The following GRIK4 variants were observed in gnomAD, a reference collection of about 807,000 sequenced individuals.
The protein encoded by GRIK4 is glutamate receptor ionotropic, kainate 4.
A neutral mutation model predicts 104.9 loss-of-function variants in GRIK4; 40 were observed. The ratio of observed to expected loss-of-function variants is 0.38; its 90% CI spans 0.30 to 0.50. The LOEUF (loss-of-function observed/expected upper bound fraction) is 0.50. Among genes scored for constraint, GRIK4 ranks in the 20% least tolerant of loss-of-function variants. The pLI is 0.93. For missense variants in GRIK4, 1,047 were observed against 1,308.1 expected (o/e 0.80, Z 3.08); for synonymous variants, 485 against 524.9 (o/e 0.92, Z 1.04).
intron 9 of GRIK4, 183 bp downstream of exon 9, chr11:120,862,303 A>T: frequency 1.8e-6 from 1 of 570,536 alleles, no homozygotes; most frequent in African/African-American, 1.9e-5. Flanking sequence ...GGAAGCAATG[A>T]GCTGTAGACA....
At chr11:120,829,691 A>G (rs1368426845) in intron 6 of GRIK4, among the ~76,000 whole-genome samples, 1 of 152,180 alleles carries the variant, frequency 6.6e-6, no homozygotes, top group Non-Finnish European at 1.5e-5. Flanking sequence ...AGCCTTTCTC[A>G]TACGATCACA....
intron 13 of GRIK4, among the ~76,000 whole-genome samples, chr11:120,906,166 A>G (rs887906093): frequency 1.3e-5 from 2 of 152,178 alleles, no homozygotes; most frequent in African/African-American, 2.4e-5. Context: ...CCAGGGGGAA[A>G]TCTCTTGTTT....
At chr11:120,980,998 C>T (rs958453326) in intron 19 of GRIK4, among the ~76,000 whole-genome samples, 4 of 145,876 alleles carry the variant, frequency 2.7e-5, no homozygotes, top group Non-Finnish European at 4.5e-5. Flanking sequence ...CTCATAGTGC[C>T]GTGCGAAGCT....
chr11:120,944,852 G>A (rs1345994588), intron 14 of GRIK4, among the ~76,000 whole-genome samples: 1 of 152,174 alleles, frequency 6.6e-6, no homozygotes, highest in Non-Finnish European at 1.5e-5. Flanking sequence ...GTAAAAATGT[G>A]TTGTCGTGCA....
intron 1 of GRIK4, among the ~76,000 whole-genome samples, chr11:120,599,846 G>T (rs1948859077): frequency 6.6e-6 from 1 of 152,234 alleles, no homozygotes; most frequent in African/African-American, 2.4e-5. Context: ...ACCCGAGCAA[G>T]GAGCAAGTCA....
At chr11:120,591,856 C>T (rs528840705) in intron 1 of GRIK4, among the ~76,000 whole-genome samples, 101 of 152,328 alleles carry the variant, frequency 6.6e-4, no homozygotes, top group South Asian at 2.5e-3. Context: ...TTGCATCCCT[C>T]CCTCCTCTTC....
chr11:120,703,853 T>C (rs1591819140), intron 3 of GRIK4, among the ~76,000 whole-genome samples: 1 of 152,186 alleles, frequency 6.6e-6, no homozygotes, highest in Non-Finnish European at 1.5e-5. Flanking sequence ...ACATGGTAGG[T>C]ACAGGATGGG....
intron 3 of GRIK4, among the ~76,000 whole-genome samples, chr11:120,794,812 C>T (rs528570135): frequency 6.6e-6 from 1 of 152,282 alleles, no homozygotes; most frequent in East Asian, 1.9e-4. Flanking sequence ...GCTGAGCAAG[C>T]TCCAAGGCTG....
rs185566398 is a variant in GRIK4, at chr11:120,935,681, T to C, written c.1477-4666T>C. 1.9e-3 allele frequency among the ~76,000 whole-genome samples: 284 copies of C among 152,330 alleles called. 2 individuals are homozygous for C. The highest frequency in any genetic ancestry group is 6.1e-3 in the African/African-American group (255 of 41,566). On this transcript the variant is annotated intron_variant, in intron 13 of 20. Coordinates refer to ENST00000527524, the MANE Select transcript of GRIK4 (RefSeq NM_014619.5). ...TACTCAGTTAACGGAACGACAGTTA[T>C]CATGTGTAAGCTTCATCGGAGTCAA...
At chr11:120,928,022 C>T (rs1237779451) in intron 13 of GRIK4, among the ~76,000 whole-genome samples, 3 of 151,962 alleles carry the variant, frequency 2.0e-5, no homozygotes, top group African/African-American at 7.3e-5. Flanking sequence ...AGAGACCAGC[C>T]TGGCCAACGT....
intron 1 of GRIK4, among the ~76,000 whole-genome samples, chr11:120,522,604 A>ATC (rs1947809204): frequency 6.6e-6 from 1 of 151,998 alleles, no homozygotes; most frequent in African/African-American, 2.4e-5. Context: ...TACAGGTGTG[A>ATC]GCCACTGCAC....
chr11:120,856,961 A>G (rs1424711187), intron 8 of GRIK4, among the ~76,000 whole-genome samples: 1 of 152,128 alleles, frequency 6.6e-6, no homozygotes, highest in Non-Finnish European at 1.5e-5. Context: ...CCCTTGCAGA[A>G]GCTGCCCACA....
intron 1 of GRIK4, among the ~76,000 whole-genome samples, chr11:120,617,194 G>A (rs1002834811): frequency 1.3e-5 from 2 of 152,152 alleles, no homozygotes; most frequent in Non-Finnish European, 2.9e-5. Context: ...GTTAAGAACC[G>A]CAGTCAGCTC....
intron 3 of GRIK4, among the ~76,000 whole-genome samples, chr11:120,796,710 G>T (rs897341141): frequency 6.6e-6 from 1 of 152,122 alleles, no homozygotes; most frequent in African/African-American, 2.4e-5. Context: ...GGGTGGAGGG[G>T]ATGCTATGAC....
chr11:120,843,297 A>G (rs185903706), intron 8 of GRIK4, among the ~76,000 whole-genome samples: 2 of 152,302 alleles, frequency 1.3e-5, no homozygotes, highest in Admixed American at 6.5e-5. Flanking sequence ...GTAGAATGCT[A>G]TTTGTGGGGT....
intron 3 of GRIK4, among the ~76,000 whole-genome samples, chr11:120,748,133 G>A (rs1162022692): frequency 6.6e-6 from 1 of 151,974 alleles, no homozygotes; most frequent in East Asian, 1.9e-4. Flanking sequence ...CCTTGGCTGG[G>A]GAGTTGGTGT....
At chr11:120,961,097 C>T (rs1944278764) in intron 17 of GRIK4, 23 bp downstream of exon 17, 1 of 1,606,482 alleles carries the variant, frequency 6.2e-7, no homozygotes, top group Non-Finnish European at 8.5e-7. Flanking sequence ...TGGTTGCTCA[C>T]CAGCATCGGG....
chr11:120,945,679 CT>C (rs1436139507), intron 14 of GRIK4, among the ~76,000 whole-genome samples: 4 of 152,210 alleles, frequency 2.6e-5, no homozygotes, highest in Non-Finnish European at 4.4e-5. Flanking sequence ...GCCTTTACCC[CT>C]GTAGGTCTTG....
At chr11:120,817,048 A>G (rs1952979731) in intron 5 of GRIK4, among the ~76,000 whole-genome samples, 1 of 152,150 alleles carries the variant, frequency 6.6e-6, no homozygotes. Context: ...GCAGGTCATT[A>G]TTGTAGCAGT....
Sources: gnomAD v4.1 joint callset for allele counts (sites outside exome capture counted in the v4.1 genomes callset) on GRCh38, gnomAD v4.1.1 for gene constraint, MANE v1.5 for transcripts, NCBI Gene and HGNC (gene_info 2026-07-23, HGNC 2026-07-21) for gene names.